USH2A: variants seen among roughly 807,000 people sequenced by gnomAD.
The protein encoded by USH2A is Usher syndrome 2A (autosomal recessive, mild).
In USH2A, 443 loss-of-function variants were observed where a neutral mutation model predicts 538.9. The ratio of observed to expected loss-of-function variants is 0.82; its 90% CI spans 0.76 to 0.89. The LOEUF is 0.89. USH2A is among the 40% of genes least tolerant of loss of function. USH2A has a pLI of 0.00. For synonymous variants in USH2A, 2,413 were observed against 2,273.5 expected, an observed-to-expected ratio of 1.06 and a Z score of -1.75; for missense variants, 6,633 against 6,324.8, an observed-to-expected ratio of 1.05 and a Z score of -1.65.
At chr1:215,847,448 C>A (rs1220748472) in intron 44 of USH2A, among the ~76,000 whole-genome samples, 1 of 151,820 alleles carries the variant, frequency 6.6e-6, no homozygotes, top group Non-Finnish European at 1.5e-5. Flanking sequence ...AGTTCGAGAC[C>A]AGCCTGGGAA....
chr1:216,240,417 G>A (rs1265605910), intron 13 of USH2A, among the ~76,000 whole-genome samples: 1 of 151,484 alleles, frequency 6.6e-6, no homozygotes, highest in African/African-American at 2.4e-5. Context: ...ATGTTGCTAT[G>A]AATGTGTTTG....
chr1:216,047,537 C>T (rs539782183), intron 31 of USH2A, among the ~76,000 whole-genome samples: 1 of 152,044 alleles, frequency 6.6e-6, no homozygotes, highest in African/African-American at 2.4e-5. Flanking sequence ...GTAAAAAATA[C>T]AGCATATTAA....
chr1:216,127,994 C>T (rs945484711), intron 21 of USH2A, among the ~76,000 whole-genome samples: 1 of 152,054 alleles, frequency 6.6e-6, no homozygotes, highest in Non-Finnish European at 1.5e-5. Context: ...AATTTCACTG[C>T]AAACTAGAAA....
intron 11 of USH2A, among the ~76,000 whole-genome samples, chr1:216,279,947 T>A (rs11809065): frequency 3.3e-5 from 5 of 149,506 alleles, no homozygotes; most frequent in Non-Finnish European, 5.9e-5. Flanking sequence ...TGTGGAGGAG[T>A]GGGGTCAGTG....
chr1:215,907,096 G>A (rs1665658440), intron 38 of USH2A, among the ~76,000 whole-genome samples: 1 of 151,928 alleles, frequency 6.6e-6, no homozygotes, highest in Admixed American at 6.6e-5. Context: ...TCTTTCTGAT[G>A]TAGAACAAAG....
At chr1:216,025,827 T>C (rs1373592376) in intron 32 of USH2A, among the ~76,000 whole-genome samples, 1 of 152,126 alleles carries the variant, frequency 6.6e-6, no homozygotes, top group Non-Finnish European at 1.5e-5. Flanking sequence ...ATGGGATTTA[T>C]GATCTGCATC....
At chr1:216,132,351 C>T (rs996258276) in intron 21 of USH2A, among the ~76,000 whole-genome samples, 1 of 152,058 alleles carries the variant, frequency 6.6e-6, no homozygotes, top group Non-Finnish European at 1.5e-5. Flanking sequence ...ATATGTCATG[C>T]ATTTTTTAAA....
chr1:216,086,506 T>C (rs998152028), intron 24 of USH2A, among the ~76,000 whole-genome samples: 2 of 152,104 alleles, frequency 1.3e-5, no homozygotes, highest in African/African-American at 4.8e-5. Flanking sequence ...ATTCCTTTTA[T>C]ATATCAAGAA....
At chr1:216,361,394 A>G (rs1001467528) in intron 4 of USH2A, among the ~76,000 whole-genome samples, 2 of 152,190 alleles carry the variant, frequency 1.3e-5, no homozygotes, top group Admixed American at 6.5e-5. Context: ...GTATAAAACA[A>G]TGACTAAATT....
At chr1:216,164,960 A>G (rs529950513) in intron 21 of USH2A, among the ~76,000 whole-genome samples, 1 of 152,246 alleles carries the variant, frequency 6.6e-6, no homozygotes, top group Admixed American at 6.5e-5. Flanking sequence ...TGACTTGTGC[A>G]AAGTCGCACA....
chr1:216,023,963 G>T (rs991726901), intron 32 of USH2A, among the ~76,000 whole-genome samples: 4 of 151,984 alleles, frequency 2.6e-5, no homozygotes, highest in African/African-American at 7.2e-5. Flanking sequence ...TTTAAACACT[G>T]GGATAAGAGA....
chr1:215,954,508 GAA>G (rs1306422071), intron 37 of USH2A, among the ~76,000 whole-genome samples: 1 of 138,290 alleles, frequency 7.2e-6, no homozygotes, highest in Non-Finnish European at 1.5e-5. Flanking sequence ...GGTGGGAATT[GAA>G]CAATGAGAAC....
Position 215,799,032 on chromosome 1 carries a change from T to C in USH2A, c.9833A>G (p.Asn3278Ser). The change falls in exon 50 of 72, where the codon AAC (asparagine) becomes AGC (serine). Residue 3278 changes from asparagine to serine, a missense_variant. Physicochemically the swap from Asn to Ser is conservative, Grantham distance 46. Coordinates refer to ENST00000307340, the MANE Select transcript of USH2A (RefSeq NM_206933.4). ...AAGCCTCCCAGCACAGCAAATCTGG[T>C]TTCCTGAGGTGGAGTACGGCATTCT... Reference protein sequence around the residue: ...CGRMPYSTSGNQICCAGRLHD... With the variant: ...CGRMPYSTSGSQICCAGRLHD... 1.9e-6 allele frequency: 3 copies of C among 1,614,066 alleles called. No individual in the cohort carries two copies. Among genetic ancestry groups the C allele is most frequent in the Non-Finnish European group, 2.5e-6 (3 of 1,179,986 alleles).
intron 50 of USH2A, among the ~76,000 whole-genome samples, chr1:215,790,998 G>A (rs893235704): frequency 2.6e-5 from 4 of 152,118 alleles, no homozygotes; most frequent in African/African-American, 9.7e-5. Context: ...CTTGTAGAGA[G>A]GATCACTGAT....
At chr1:215,899,562 T>G (rs1472627316) in intron 40 of USH2A, among the ~76,000 whole-genome samples, 2 of 152,220 alleles carry the variant, frequency 1.3e-5, no homozygotes, top group Non-Finnish European at 2.9e-5. Flanking sequence ...TAAAGAAATC[T>G]TAATCCACCT....
chr1:215,640,655 C>G lies in USH2A; in HGVS notation c.14871G>C (p.Leu4957=), dbSNP rs748007443. 36 of 1,613,822 alleles carry G rather than the reference C, an allele frequency of 2.2e-5. No individual in the cohort carries two copies. Among genetic ancestry groups the G allele is most frequent in the Admixed American group, 8.3e-5 (5 of 59,988 alleles). The change falls in exon 68 of 72, where the codon CTG becomes CTC. Residue 4957 remains leucine, a synonymous_variant. Transcript: ENST00000307340. ...ACACGTACTCCTTCAGTTGGCCGTT[C>G]AGGAGGAAGGTGTCACTCCAGTTCA... is the stretch of plus-strand genomic sequence containing the variant. The part of the protein sequence containing the change: ...VCVNWSDTFL[L]NGQLKEYVLT...
chr1:215,899,025 T>C (rs1665422545), intron 40 of USH2A, among the ~76,000 whole-genome samples: 1 of 152,184 alleles, frequency 6.6e-6, no homozygotes, highest in Admixed American at 6.5e-5. Context: ...TTATTGCTCA[T>C]AAAGGTGGCT....
In USH2A at chr1:216,124,374, A is replaced by T. The variant is rs77128152; in HGVS notation, c.4628-27161T>A. 5.3e-3 allele frequency among the ~76,000 whole-genome samples: 809 copies of T among 152,216 alleles called. 43 individuals carry two copies. The East Asian group carries it at 0.12, about 22-fold the overall frequency. ...AATCCTGCAGCAAGCAAGGAAGCGT[A>T]TTGATTAGGTACTGCATATACTGAA... is the stretch of plus-strand genomic sequence containing the variant. On this transcript the variant is annotated intron_variant, in intron 21 of 71. Transcript: ENST00000307340.
intron 61 of USH2A, among the ~76,000 whole-genome samples, chr1:215,719,984 T>C (rs995004568): frequency 1.3e-5 from 2 of 152,214 alleles, no homozygotes; most frequent in Admixed American, 6.5e-5. Context: ...TAGGGCCATT[T>C]AGTTATATAA....
Sources: gnomAD v4.1 joint callset for allele counts (sites outside exome capture counted in the v4.1 genomes callset) on GRCh38, gnomAD v4.1.1 for gene constraint, MANE v1.5 for transcripts, NCBI Gene and HGNC (gene_info 2026-07-23, HGNC 2026-07-21) for gene names.